The following RFX4 variants were observed in gnomAD, a reference collection of about 807,000 sequenced individuals.
RFX4 encodes regulatory factor X4.
RFX4 carries 10 observed loss-of-function variants against 95.0 expected under a neutral mutation model. The ratio of observed to expected loss-of-function variants is 0.11; its 90% CI spans 0.06 to 0.18. The LOEUF is 0.18. Among genes scored for constraint, RFX4 ranks in the 10% least tolerant of loss-of-function variants. The pLI, the probability that RFX4 is intolerant of heterozygous loss-of-function variation, is 1.00. For missense variants in RFX4, 640 were observed against 922.0 expected (o/e 0.69, Z 3.96); for synonymous variants, 321 against 340.7 (o/e 0.94, Z 0.64).
intron 2 of RFX4, among the ~76,000 whole-genome samples, chr12:106,620,725 GT>G (rs1201743048): frequency 1.3e-5 from 2 of 151,940 alleles, no homozygotes; most frequent in Non-Finnish European, 2.9e-5. Flanking sequence ...CCAGGGTGGA[GT>G]TTTTCCCCAC....
chr12:106,681,858 C>T, intron 4 of RFX4, 135 bp from the exon 5 acceptor site: 3 of 822,490 alleles, frequency 3.6e-6, no homozygotes, highest in Non-Finnish European at 6.1e-6. Flanking sequence ...CTCCAGGGTC[C>T]TCACAGACTC....
At position 106,601,313 on chromosome 12, in the gene RFX4, G is replaced by A. The variant is rs1015312001; in HGVS notation, c.44-7484G>A. On this transcript the variant is annotated intron_variant, in intron 1 of 17. Coordinates refer to ENST00000392842, the MANE Select transcript of RFX4 (RefSeq NM_213594.3). Reference sequence around the variant, plus strand: ...GAGAGCCCACCCTGGTGCGGGAGGCGACAGGACCAGGCCTCGACGGCGCCG... The same window carrying A: ...GAGAGCCCACCCTGGTGCGGGAGGCAACAGGACCAGGCCTCGACGGCGCCG... 1.3e-5 allele frequency: 21 copies of A among 1,595,326 alleles called. No individual in the cohort carries two copies. The highest frequency in any genetic ancestry group is 2.7e-5 in the African/African-American group (2 of 74,482).
At chr12:106,593,525 T>G (rs1182207627) in intron 1 of RFX4, among the ~76,000 whole-genome samples, 2 of 152,244 alleles carry the variant, frequency 1.3e-5, no homozygotes, top group Non-Finnish European at 2.9e-5. Flanking sequence ...GATTAGTGAT[T>G]GACAATTACA....
chr12:106,672,780 A>G, intron 4 of RFX4, among the ~76,000 whole-genome samples: 1 of 149,940 alleles, frequency 6.7e-6, no homozygotes, highest in East Asian at 1.9e-4. Context: ...AAAAAAAAAA[A>G]GCCAAACCCC....
chr12:106,673,229 G>C (rs986157575), intron 4 of RFX4, among the ~76,000 whole-genome samples: 1 of 152,176 alleles, frequency 6.6e-6, no homozygotes, highest in South Asian at 2.1e-4. Context: ...ACTAGAGGAC[G>C]AGTCACTAGA....
intron 8 of RFX4, among the ~76,000 whole-genome samples, chr12:106,708,232 G>A (rs1456123574): frequency 2.0e-5 from 3 of 152,182 alleles, no homozygotes; most frequent in Non-Finnish European, 4.4e-5. Flanking sequence ...AAAGCAGCAG[G>A]GGATGGCAAG....
chr12:106,685,754 C>G (rs1016189780), intron 5 of RFX4, among the ~76,000 whole-genome samples: 2 of 152,208 alleles, frequency 1.3e-5, no homozygotes, highest in Non-Finnish European at 2.9e-5. Context: ...GAACCTGTTC[C>G]TCCCCTAAAC....
At chr12:106,729,939 G>T (rs1196589133) in intron 13 of RFX4, among the ~76,000 whole-genome samples, 3 of 152,206 alleles carry the variant, frequency 2.0e-5, no homozygotes, top group Non-Finnish European at 1.5e-5. Flanking sequence ...GCATCTCACA[G>T]TGATTGAGCA....
At chr12:106,602,072 A>G (rs1432384623) in intron 1 of RFX4, among the ~76,000 whole-genome samples, 1 of 152,202 alleles carries the variant, frequency 6.6e-6, no homozygotes, top group South Asian at 2.1e-4. Context: ...CAGTGTGGGC[A>G]TGAGGGCAGT....
intron 15 of RFX4, among the ~76,000 whole-genome samples, chr12:106,746,639 A>AAAT (rs2042901055): frequency 6.6e-6 from 1 of 152,224 alleles, no homozygotes; most frequent in Non-Finnish European, 1.5e-5. Flanking sequence ...TTAAATTAAA[A>AAAT]AATAGACAAA....
At chr12:106,643,441 C>T (rs1725633142) in intron 3 of RFX4, among the ~76,000 whole-genome samples, 2 of 152,180 alleles carry the variant, frequency 1.3e-5, no homozygotes, top group South Asian at 4.1e-4. Context: ...GGACATTAAA[C>T]TTAGATAGGA....
intron 3 of RFX4, among the ~76,000 whole-genome samples, chr12:106,644,421 T>C (rs1452826125): frequency 3.3e-5 from 5 of 151,968 alleles, no homozygotes; most frequent in Non-Finnish European, 5.9e-5. Flanking sequence ...TTGGTAGAGA[T>C]GGGGTTTTAC....
intron 2 of RFX4, among the ~76,000 whole-genome samples, chr12:106,630,515 C>T (rs2040397619): frequency 6.6e-6 from 1 of 152,166 alleles, no homozygotes; most frequent in South Asian, 2.1e-4. Context: ...GCCTGGGTGC[C>T]AGTCACCCTG....
chr12:106,734,334 G>A (rs2042669486), intron 15 of RFX4, among the ~76,000 whole-genome samples: 1 of 152,132 alleles, frequency 6.6e-6, no homozygotes, highest in African/African-American at 2.4e-5. Flanking sequence ...GGTGGCTCAT[G>A]CCTGTAATCC....
intron 2 of RFX4, among the ~76,000 whole-genome samples, chr12:106,638,304 G>A (rs1263848189): frequency 6.6e-6 from 1 of 152,056 alleles, no homozygotes; most frequent in Non-Finnish European, 1.5e-5. Context: ...CACTGTGCCT[G>A]GCCTTACATT....
In RFX4 at chr12:106,688,290, G is replaced by A. The variant is rs1002521511; in HGVS notation, c.592-997G>A. On this transcript the variant is annotated intron_variant, in intron 6 of 17. Transcript: ENST00000392842. Reference sequence around the variant, plus strand: ...TCACCATGTTGGCCAGGCTGGTCTCGAACTTCTGACCTCATGATCTGCCCA... The same window carrying A: ...TCACCATGTTGGCCAGGCTGGTCTCAAACTTCTGACCTCATGATCTGCCCA... 2.5e-4 allele frequency among the ~76,000 whole-genome samples: 38 copies of A among 151,886 alleles called. 1 individual carries two copies. Among genetic ancestry groups the A allele is most frequent in the Admixed American group, 2.1e-3 (32 of 15,242 alleles).
intron 14 of RFX4, 84 bp from the exon 15 acceptor site, chr12:106,732,840 G>T: frequency 2.2e-6 from 3 of 1,357,242 alleles, no homozygotes; most frequent in South Asian, 1.3e-5. Context: ...ACACAGATTA[G>T]AATAATATTT....
intron 1 of RFX4, among the ~76,000 whole-genome samples, chr12:106,588,440 G>A (rs2039494043): frequency 1.3e-5 from 2 of 152,140 alleles, no homozygotes; most frequent in Non-Finnish European, 2.9e-5. Context: ...AATACACATT[G>A]GCCAATGTAC....
intron 2 of RFX4, among the ~76,000 whole-genome samples, chr12:106,633,107 A>G (rs2040448290): frequency 1.3e-5 from 2 of 152,192 alleles, no homozygotes; most frequent in African/African-American, 4.8e-5. Context: ...CCTGGGTGTG[A>G]CACACCTCCT....
Sources: allele counts gnomAD v4.1 joint callset (sites outside exome capture counted in the v4.1 genomes callset), GRCh38; gene constraint gnomAD v4.1.1; transcripts MANE v1.5; gene names NCBI Gene and HGNC (gene_info 2026-07-23, HGNC 2026-07-21).